Variants in DDC observed in about 807,000 individuals in gnomAD.
DDC encodes aromatic-L-amino-acid decarboxylase.
In DDC, 43 loss-of-function variants were observed where a neutral mutation model predicts 60.0. The ratio of observed to expected loss-of-function variants is 0.72; its 90% CI spans 0.56 to 0.92. DDC has a LOEUF of 0.92. Ranked by LOEUF, DDC falls within the 40% of genes least tolerant of loss-of-function variation. DDC has a pLI of 0.00. For missense variants in DDC, 573 were observed against 620.2 expected, an observed-to-expected ratio of 0.92 and a Z score of 0.81; for synonymous variants, 232 against 234.6, an observed-to-expected ratio of 0.99 and a Z score of 0.10.
rs191186272 is a variant in DDC, at chr7:50,500,698, C to T, written c.782-1456G>A. Among the ~76,000 whole-genome samples the T allele has an allele frequency of 3.3e-5, 5 of 152,368 alleles. No individual in the cohort carries two copies. In the East Asian group the frequency reaches 9.6e-4, roughly 29 times the overall value. ...CACTGCTCTGTGACCTTTGGCCTCC[C>T]ATGCCCTGGGGTGGATATCCGTGTC... On this transcript the variant is annotated intron_variant, in intron 7 of 14. Transcript: ENST00000444124.
chr7:50,487,790 T>G (rs2042917379), intron 9 of DDC, among the ~76,000 whole-genome samples: 1 of 152,142 alleles, frequency 6.6e-6, no homozygotes, highest in African/African-American at 2.4e-5. Context: ...CAAATAAAAT[T>G]AGAAAGTCTT....
At chr7:50,483,771 G>T (rs1427211331) in intron 9 of DDC, among the ~76,000 whole-genome samples, 1 of 152,058 alleles carries the variant, frequency 6.6e-6, no homozygotes, top group Admixed American at 6.6e-5. Flanking sequence ...GGGCATGGCG[G>T]CGGGCACCTG....
chr7:50,499,101 CAG>C, intron 8 of DDC, 45 bp downstream of exon 8: 1 of 1,410,230 alleles, frequency 7.1e-7, no homozygotes, highest in Non-Finnish European at 1.0e-6. Flanking sequence ...AGGTCAATAA[CAG>C]AGCACTGTGA....
At chr7:50,531,449 C>G (rs537531497) in intron 4 of DDC, among the ~76,000 whole-genome samples, 3 of 152,098 alleles carry the variant, frequency 2.0e-5, no homozygotes, top group Non-Finnish European at 4.4e-5. Context: ...GTGACTGCAG[C>G]TTCCCCGGCT....
chr7:50,513,557 T>C (rs1432937481), intron 6 of DDC, among the ~76,000 whole-genome samples: 1 of 152,108 alleles, frequency 6.6e-6, no homozygotes, highest in Non-Finnish European at 1.5e-5. Flanking sequence ...CTTTCATAGC[T>C]GGGAAGTAGG....
At chr7:50,470,219 C>A (rs753715835) in intron 11 of DDC, 48 bp from the exon 12 acceptor site, 1 of 1,413,556 alleles carries the variant, frequency 7.1e-7, no homozygotes, top group Non-Finnish European at 1.0e-6. Context: ...ATATTAAAAG[C>A]TGGCTTCCTT....
intron 14 of DDC, among the ~76,000 whole-genome samples, chr7:50,459,357 A>G (rs557823014): frequency 1.3e-5 from 2 of 152,146 alleles, no homozygotes; most frequent in South Asian, 2.1e-4. Flanking sequence ...TGCCGAGATT[A>G]CAGCCTCTGC....
chr7:50,562,438 A>G (rs890123920), intron 1 of DDC, among the ~76,000 whole-genome samples: 1 of 152,218 alleles, frequency 6.6e-6, no homozygotes, highest in African/African-American at 2.4e-5. Context: ...TCATCCCCCC[A>G]AACACTGTGA....
At chr7:50,477,277 A>G (rs2876827) in intron 10 of DDC, among the ~76,000 whole-genome samples, 84,378 of 152,046 alleles carry the variant, frequency 0.55, 23,600 homozygotes, top group Admixed American at 0.62. Flanking sequence ...AGGAACCCTG[A>G]ATGCAGGCTC....
rs527298276 is a variant in DDC at position 50,526,654 on chromosome 7, A to C, written c.714+1483T>G. Among the ~76,000 whole-genome samples, 11 of 152,346 alleles carry C rather than the reference A, an allele frequency of 7.2e-5. No homozygotes were observed. In the South Asian group the frequency reaches 2.3e-3, roughly 32 times the overall value. Reference sequence around the variant, plus strand: ...ACCTTGAGTGTAAATGAACAAAATAAATATCAATCGTCACACTGGATTTTA... The same window carrying C: ...ACCTTGAGTGTAAATGAACAAAATACATATCAATCGTCACACTGGATTTTA... On this transcript the variant is annotated intron_variant, in intron 6 of 14. Coordinates refer to ENST00000444124, the MANE Select transcript of DDC (RefSeq NM_001082971.2).
At chr7:50,520,498 G>C (rs547074022) in intron 6 of DDC, among the ~76,000 whole-genome samples, 2 of 152,206 alleles carry the variant, frequency 1.3e-5, no homozygotes, top group South Asian at 2.1e-4. Flanking sequence ...AAATTTGTGG[G>C]ATGCAGTGAA....
chr7:50,521,097 C>T (rs1490603556), intron 6 of DDC, among the ~76,000 whole-genome samples: 2 of 151,856 alleles, frequency 1.3e-5, no homozygotes, highest in African/African-American at 4.8e-5. Context: ...ACACACATTG[C>T]TAATATCAGA....
intron 7 of DDC, among the ~76,000 whole-genome samples, chr7:50,502,020 G>A (rs1161381273): frequency 6.6e-6 from 1 of 152,138 alleles, no homozygotes; most frequent in Non-Finnish European, 1.5e-5. Context: ...GTTGCAGTGA[G>A]CTGAGATTGT....
chr7:50,526,417 T>A (rs1585232513), intron 6 of DDC, among the ~76,000 whole-genome samples: 1 of 152,084 alleles, frequency 6.6e-6, no homozygotes, highest in African/African-American at 2.4e-5. Context: ...ATTCATTATA[T>A]CAAATTCACA....
rs564130357 is a variant in DDC at position 50,467,319 on chromosome 7, C to T, written c.1141-4G>A. On this transcript the variant is annotated splice_polypyrimidine_tract_variant and splice_region_variant and intron_variant, in intron 12 of 14. Coordinates refer to ENST00000444124, the MANE Select transcript of DDC (RefSeq NM_001082971.2). ...ACTCATGGGACAGCTGGACATGCTT[C>T]AAAGAGGAAAGGGAAAATCTGTTTT... The T allele has an allele frequency of 6.2e-7, 1 of 1,613,040 alleles. No individual in the cohort carries two copies. The highest frequency in any genetic ancestry group is 1.3e-5 in the African/African-American group (1 of 75,038).
intron 4 of DDC, among the ~76,000 whole-genome samples, chr7:50,532,823 T>C (rs571571323): frequency 8.9e-4 from 135 of 152,338 alleles, no homozygotes; most frequent in African/African-American, 3.1e-3. Context: ...TGTTATAAGA[T>C]GCAATGACCT....
Position 50,559,674 on chromosome 7 carries a change from C to T in DDC, c.-29+5611G>A, listed in dbSNP as rs367976849. ...AACTCCCGACCTCAGGTGATCCACT[C>T]GCCTCAGCCTCCCAAAGTGTTGGGA... is the stretch of plus-strand genomic sequence containing the variant. On this transcript the variant is annotated intron_variant, in intron 1 of 14. Coordinates refer to ENST00000444124, the MANE Select transcript of DDC (RefSeq NM_001082971.2). Among the ~76,000 whole-genome samples, 8 of 152,194 alleles carry T rather than the reference C, an allele frequency of 5.3e-5. No individual in the cohort carries two copies. In the South Asian group the frequency reaches 6.2e-4, roughly 12 times the overall value.
intron 4 of DDC, among the ~76,000 whole-genome samples, chr7:50,531,577 T>TG (rs10718396): frequency 1.6e-4 from 24 of 151,542 alleles, no homozygotes; most frequent in East Asian, 3.9e-4. Flanking sequence ...GGCTTTTCTC[T>TG]GGGGGGGGAT....
At chr7:50,484,141 T>A (rs2042830666) in intron 9 of DDC, among the ~76,000 whole-genome samples, 1 of 152,226 alleles carries the variant, frequency 6.6e-6, no homozygotes, top group African/African-American at 2.4e-5. Context: ...ATTGTGCCAT[T>A]GTATTTTCTA....
Sources: allele counts gnomAD v4.1 joint callset (sites outside exome capture counted in the v4.1 genomes callset), GRCh38; gene constraint gnomAD v4.1.1; transcripts MANE v1.5; gene names NCBI Gene and HGNC (gene_info 2026-07-23, HGNC 2026-07-21).